The following MCF2 variants were observed in gnomAD, a reference collection of about 807,000 sequenced individuals.
MCF2 encodes the protein proto-oncogene DBL.
In MCF2, 44 loss-of-function variants were observed where a neutral mutation model predicts 82.5. The observed-to-expected ratio is 0.53, with a 90% confidence interval of 0.42 to 0.69. MCF2 has a LOEUF of 0.69. MCF2 is among the 30% of genes least tolerant of loss of function. The pLI is 0.00. For missense variants in MCF2, 623 were observed against 663.1 expected, an observed-to-expected ratio of 0.94 and a Z score of 0.66; for synonymous variants, 217 against 224.9, an observed-to-expected ratio of 0.96 and a Z score of 0.32.
At chrX:139,695,321 C>T (rs918038988) in intron 1 of MCF2, among the ~76,000 whole-genome samples, 3 of 111,813 alleles carry the variant, frequency 2.7e-5, no homozygotes, top group Non-Finnish European at 5.6e-5. Flanking sequence ...TGAGCCATCG[C>T]GCCCAGCCTC....
Position 139,667,408 on chromosome X carries a change from G to A in MCF2, c.-44-15620C>T, listed in dbSNP as rs554870172. Among the ~76,000 whole-genome samples, 52 of 111,046 alleles carry A rather than the reference G, an allele frequency of 4.7e-4. No individual in the cohort carries two copies. The South Asian group carries it at 0.015, about 33-fold the overall frequency. On this transcript the variant is annotated intron_variant, in intron 1 of 27. Coordinates refer to the MCF2 transcript ENST00000414978. Reference sequence around the variant, plus strand: ...CAGGCATGAGCCAGCATGCCCAAGCGGTATGCACTGATGTAGGTGGTGGCT... The same window carrying A: ...CAGGCATGAGCCAGCATGCCCAAGCAGTATGCACTGATGTAGGTGGTGGCT...
At chrX:139,659,591 C>A in intron 1 of MCF2, among the ~76,000 whole-genome samples, 1 of 111,723 alleles carries the variant, frequency 9.0e-6, no homozygotes, top group Non-Finnish European at 1.9e-5. Flanking sequence ...GGTTTCTATT[C>A]ATATACAATA....
chrX:139,597,500 A>G, exon 18 of MCF2: 1 of 1,199,516 alleles, frequency 8.3e-7, no homozygotes, highest in Non-Finnish European at 1.1e-6. Flanking sequence ...AGAATCATTA[A>G]CTGACTTCAG....
intron 1 of MCF2, among the ~76,000 whole-genome samples, chrX:139,654,659 T>C (rs990095346): frequency 1.8e-5 from 2 of 111,876 alleles, no homozygotes; most frequent in Non-Finnish European, 3.8e-5. Flanking sequence ...GTGATCCCAT[T>C]TGTCTATTTT....
intron 1 of MCF2, among the ~76,000 whole-genome samples, chrX:139,693,861 T>C (rs1203241828): frequency 2.7e-5 from 3 of 112,308 alleles, no homozygotes; most frequent in Non-Finnish European, 5.6e-5. Flanking sequence ...AGAGTTTCCA[T>C]AGCATAATTT....
intron 8 of MCF2, among the ~76,000 whole-genome samples, chrX:139,616,855 TAA>T (rs762523558): frequency 8.9e-6 from 1 of 111,916 alleles, no homozygotes; most frequent in East Asian, 2.8e-4. Flanking sequence ...TAGAAAAATA[TAA>T]AGTGTAATAC....
intron 6 of MCF2, among the ~76,000 whole-genome samples, chrX:139,621,312 C>G (rs1932336854): frequency 9.0e-6 from 1 of 111,650 alleles, no homozygotes; most frequent in Non-Finnish European, 1.9e-5. Flanking sequence ...ACTAAAATTT[C>G]AAAAGCAATT....
At chrX:139,634,882 G>A (rs1248167804) in intron 1 of MCF2, among the ~76,000 whole-genome samples, 1 of 111,045 alleles carries the variant, frequency 9.0e-6, no homozygotes, top group Non-Finnish European at 1.9e-5. Flanking sequence ...GATCACTTGA[G>A]GCCAGGAGTT....
At chrX:139,673,902 T>C (rs777915560) in intron 1 of MCF2, among the ~76,000 whole-genome samples, 1 of 111,725 alleles carries the variant, frequency 9.0e-6, no homozygotes, top group Admixed American at 9.5e-5. Flanking sequence ...ATCTGTCTAA[T>C]ATTGACAGTG....
chrX:139,686,515 C>A (rs901473333), intron 1 of MCF2, among the ~76,000 whole-genome samples: 1 of 108,263 alleles, frequency 9.2e-6, no homozygotes, highest in African/African-American at 3.4e-5. Context: ...GAGTGAGACT[C>A]TATCTCGGAA....
intron 1 of MCF2, among the ~76,000 whole-genome samples, chrX:139,661,462 T>A (rs1190984000): frequency 8.9e-6 from 1 of 111,826 alleles, no homozygotes; most frequent in Admixed American, 9.6e-5. Context: ...CAACTTTTGA[T>A]ATAACCTCAG....
At chrX:139,610,842 T>C (rs1264335825) in intron 10 of MCF2, among the ~76,000 whole-genome samples, 1 of 111,662 alleles carries the variant, frequency 9.0e-6, no homozygotes, top group African/African-American at 3.3e-5. Context: ...TAACAACTTC[T>C]ATCCCTATCT....
At chrX:139,633,296 C>G (rs1363812995) in intron 1 of MCF2, among the ~76,000 whole-genome samples, 1 of 111,724 alleles carries the variant, frequency 9.0e-6, no homozygotes, top group Non-Finnish European at 1.9e-5. Context: ...GGACACATTG[C>G]AAAATAAGTG....
At chrX:139,614,388 C>T (rs1931732630) in intron 10 of MCF2, among the ~76,000 whole-genome samples, 1 of 111,159 alleles carries the variant, frequency 9.0e-6, no homozygotes, top group Admixed American at 9.6e-5. Flanking sequence ...TTATAAGAAC[C>T]AAGTCATATT....
chrX:139,696,321 CCTTCCTTCCTTCTTTCT>C (rs1935380099), intron 1 of MCF2, among the ~76,000 whole-genome samples: 1 of 85,284 alleles, frequency 1.2e-5, no homozygotes. Flanking sequence ...TTCTTTCTTT[CCTTCCTTCCTTCTTTCT>C]CTTCTCTCCT....
chrX:139,606,747 C>T lies in MCF2; in HGVS notation c.1490+944G>A, dbSNP rs776471385. ...TTTCCAATTGACATCATATTTAAAA[C>T]TCATTTCCCTTGTCCCCAGTATAAG... On this transcript the variant is annotated intron_variant, in intron 12 of 24. Coordinates refer to ENST00000370576, the Ensembl canonical transcript of MCF2. Among the ~76,000 whole-genome samples the T allele has an allele frequency of 1.6e-3, 181 of 111,837 alleles. 1 individual carries two copies. Among genetic ancestry groups the T allele is most frequent in the African/African-American group, 5.3e-3 (164 of 30,836 alleles).
chrX:139,694,383 C>T (rs772970510), intron 1 of MCF2, among the ~76,000 whole-genome samples: 47 of 103,813 alleles, frequency 4.5e-4, no homozygotes, highest in African/African-American at 1.7e-3. Context: ...TTCAAGGGAT[C>T]GAGAATAGCC....
intron 1 of MCF2, among the ~76,000 whole-genome samples, chrX:139,674,715 T>C (rs1934813233): frequency 8.9e-6 from 1 of 112,136 alleles, no homozygotes; most frequent in Non-Finnish European, 1.9e-5. Flanking sequence ...TGGGCTTCCC[T>C]TTGTGGGTAA....
chrX:139,691,844 G>A lies in MCF2; in HGVS notation c.-45+16262C>T, dbSNP rs777279152. 2,221 of 886,332 alleles carry A rather than the reference G, an allele frequency of 2.5e-3. 3 individuals carry two copies. The highest frequency in any genetic ancestry group is 3.8e-3 in the Middle Eastern group (10 of 2,600). The allele number at this position is 886,332 out of a possible 1,213,427, so 73.0% of individuals were successfully genotyped here. A position where few individuals can be genotyped will look rare whatever the true frequency, so the allele number is the denominator to read the frequency against. On this transcript the variant is annotated intron_variant, in intron 1 of 27. Transcript: ENST00000414978. ...ATAAAGAAAAGCCGGCCGGGCTGGGGAGGCAGCGGCTGAGAAGAAGGGCAA... is the reference window on the plus strand; with the variant it reads ...ATAAAGAAAAGCCGGCCGGGCTGGGAAGGCAGCGGCTGAGAAGAAGGGCAA...
Sources: gnomAD v4.1 joint callset for allele counts (sites outside exome capture counted in the v4.1 genomes callset) on GRCh38, gnomAD v4.1.1 for gene constraint, MANE v1.5 for transcripts, NCBI Gene and HGNC (gene_info 2026-07-23, HGNC 2026-07-21) for gene names.